SCN8A: variants seen among roughly 807,000 people sequenced by gnomAD.
SCN8A encodes sodium channel protein type 8 subunit alpha.
In SCN8A, 30 loss-of-function variants were observed where a neutral mutation model predicts 184.1. The observed-to-expected ratio is 0.16, with a 90% CI of 0.12 to 0.22. The LOEUF is 0.22. SCN8A is among the 10% of genes least tolerant of loss of function. The probability of loss-of-function intolerance (pLI) is 1.00; values close to 1 mark genes in which losing one functional copy is unlikely to be tolerated. For missense variants in SCN8A, 1,057 were observed against 2,498.9 expected (o/e 0.42, Z 12.30); for synonymous variants, 852 against 907.0 (o/e 0.94, Z 1.09).
At chr12:51,607,464 T>A (rs186715776) in intron 1 of SCN8A, among the ~76,000 whole-genome samples, 1 of 152,194 alleles carries the variant, frequency 6.6e-6, no homozygotes, top group Non-Finnish European at 1.5e-5. Context: ...CAGTACTATG[T>A]TGAAGACAAG....
At chr12:51,727,389 A>G (rs1203579205) in intron 12 of SCN8A, among the ~76,000 whole-genome samples, 2 of 152,092 alleles carry the variant, frequency 1.3e-5, no homozygotes, top group Non-Finnish European at 2.9e-5. Context: ...AAAACAAAAA[A>G]ACTATACACC....
At chr12:51,733,028 G>C (rs571947523) in intron 12 of SCN8A, among the ~76,000 whole-genome samples, 14 of 152,022 alleles carry the variant, frequency 9.2e-5, no homozygotes, top group Non-Finnish European at 2.1e-4. Flanking sequence ...CTTCCTTTCC[G>C]ATTTGTGTGC....
At chr12:51,644,579 T>TCGC (rs1170088871) in intron 1 of SCN8A, among the ~76,000 whole-genome samples, 1 of 152,168 alleles carries the variant, frequency 6.6e-6, no homozygotes, top group Non-Finnish European at 1.5e-5. Flanking sequence ...TGATCTCGGC[T>TCGC]CGCTACAACC....
intron 6 of SCN8A, among the ~76,000 whole-genome samples, chr12:51,692,323 GA>G: frequency 6.6e-6 from 1 of 152,296 alleles, no homozygotes; most frequent in South Asian, 2.1e-4. Context: ...GTCTTTGGTA[GA>G]TATTCTGAGT....
chr12:51,652,105 G>A (rs1429399575), intron 1 of SCN8A, among the ~76,000 whole-genome samples: 2 of 151,818 alleles, frequency 1.3e-5, no homozygotes, highest in Non-Finnish European at 2.9e-5. Context: ...AGGTACCAAA[G>A]CACCTCAGAC....
At chr12:51,735,329 G>A (rs748615434) in intron 12 of SCN8A, among the ~76,000 whole-genome samples, 5 of 152,176 alleles carry the variant, frequency 3.3e-5, no homozygotes, top group Non-Finnish European at 5.9e-5. Context: ...TCGTTGTGCA[G>A]CACCTCTGCC....
At chr12:51,641,974 C>T (rs116723761) in intron 1 of SCN8A, among the ~76,000 whole-genome samples, 1,721 of 152,274 alleles carry the variant, frequency 0.011, 44 homozygotes, top group African/African-American at 0.039. Context: ...AAAGAAGATG[C>T]ATTGGACATT....
In SCN8A at chr12:51,662,977, A is replaced by C. The variant is rs755721954; in HGVS notation, c.160A>C (p.Lys54Gln). Residue 54 changes from lysine (K) to glutamine (Q), a missense_variant, in exon 2 of 27, where the codon AAG becomes CAG. Around this residue, in one of 19 missense-constraint regions of SCN8A, gnomAD observed 45 missense variants for 71.3 expected, o/e 0.63. Transcript: ENST00000627620. ...GGAGGACGATGAGGACAGCAAGCCC[A>C]AGCCAAACAGCGACCTGGAAGCAGG... Reference protein sequence around the residue: ...HREDDEDSKPKPNSDLEAGKS... With the variant: ...HREDDEDSKPQPNSDLEAGKS... 3 of 1,614,062 alleles carry C rather than the reference A, an allele frequency of 1.9e-6. No homozygotes were observed. Among genetic ancestry groups the C allele is most frequent in the Non-Finnish European group, 1.7e-6 (2 of 1,179,902 alleles).
intron 17 of SCN8A, 53 bp from the exon 18 acceptor site, chr12:51,769,815 A>C (rs1942895176): frequency 1.8e-6 from 2 of 1,123,734 alleles, no homozygotes; most frequent in African/African-American, 3.1e-5. Context: ...CTCAGTGTGG[A>C]GTGGGCATGT....
At chr12:51,605,492 G>C (rs994218735) in intron 1 of SCN8A, among the ~76,000 whole-genome samples, 3 of 152,180 alleles carry the variant, frequency 2.0e-5, no homozygotes, top group African/African-American at 7.2e-5. Flanking sequence ...TCCACTTGTT[G>C]ATTAATGGGC....
chr12:51,777,955 A>G (rs755195668), intron 20 of SCN8A, among the ~76,000 whole-genome samples: 13 of 152,226 alleles, frequency 8.5e-5, no homozygotes, highest in Admixed American at 2.6e-4. Flanking sequence ...GGCAACTTTC[A>G]ATTCTTTTGG....
chr12:51,735,612 C>T, intron 12 of SCN8A, among the ~76,000 whole-genome samples: 1 of 152,194 alleles, frequency 6.6e-6, no homozygotes, highest in Non-Finnish European at 1.5e-5. Context: ...GGTTGTCCCG[C>T]TTTCCTCAGG....
chr12:51,743,446 T>C (rs1942458591), intron 12 of SCN8A, among the ~76,000 whole-genome samples: 1 of 152,180 alleles, frequency 6.6e-6, no homozygotes, highest in Non-Finnish European at 1.5e-5. Context: ...ACCTTGGTGG[T>C]CTTGGATAAT....
At chr12:51,765,074 C>T (rs1030641392) in intron 15 of SCN8A, among the ~76,000 whole-genome samples, 1 of 152,154 alleles carries the variant, frequency 6.6e-6, no homozygotes, top group African/African-American at 2.4e-5. Flanking sequence ...TGCACCTGGC[C>T]AGTATAGGCT....
chr12:51,697,720 A>G (rs746155576), intron 6 of SCN8A, among the ~76,000 whole-genome samples: 1 of 152,222 alleles, frequency 6.6e-6, no homozygotes, highest in African/African-American at 2.4e-5. Flanking sequence ...CAACAACCCA[A>G]TGAGGTTGGT....
At chr12:51,739,814 GAC>G (rs554288348) in intron 12 of SCN8A, among the ~76,000 whole-genome samples, 1 of 152,008 alleles carries the variant, frequency 6.6e-6, no homozygotes, top group African/African-American at 2.4e-5. Flanking sequence ...AGGAATTAAA[GAC>G]ACACACACAC....
At chr12:51,695,283 A>G (rs1941574518) in intron 6 of SCN8A, among the ~76,000 whole-genome samples, 1 of 152,196 alleles carries the variant, frequency 6.6e-6, no homozygotes, top group African/African-American at 2.4e-5. Context: ...TTAAAAGCTA[A>G]CTCACCAATG....
At chr12:51,727,843 G>A (rs1006592370) in intron 12 of SCN8A, among the ~76,000 whole-genome samples, 1 of 152,034 alleles carries the variant, frequency 6.6e-6, no homozygotes, top group East Asian at 1.9e-4. Flanking sequence ...TCAGCTACTC[G>A]AGAGGCTGAG....
At chr12:51,708,734 G>A (rs1795833385) in intron 11 of SCN8A, among the ~76,000 whole-genome samples, 1 of 152,004 alleles carries the variant, frequency 6.6e-6, no homozygotes, top group Non-Finnish European at 1.5e-5. Flanking sequence ...TACTGCGTTT[G>A]TCCACTGCAG....
Sources: allele counts gnomAD v4.1 joint callset (sites outside exome capture counted in the v4.1 genomes callset), GRCh38; gene constraint gnomAD v4.1.1; regional missense constraint gnomAD v4.1.1; transcripts MANE v1.5; gene names NCBI Gene and HGNC (gene_info 2026-07-23, HGNC 2026-07-21).